MAST3: variants seen among roughly 807,000 people sequenced by gnomAD.
MAST3 encodes microtubule-associated serine/threonine-protein kinase 3.
Under a neutral mutation model 127.0 loss-of-function variants are expected in MAST3, and 43 were observed. That is an observed-to-expected ratio of 0.34 (90% confidence interval 0.27 to 0.44). The LOEUF is 0.44. MAST3 is among the 20% of genes least tolerant of loss of function. MAST3 has a pLI of 1.00. For missense variants in MAST3, 1,390 were observed against 1,919.1 expected, an observed-to-expected ratio of 0.72 and a Z score of 5.15; for synonymous variants, 785 against 809.2, an observed-to-expected ratio of 0.97 and a Z score of 0.51.
chr19:18,125,256 G>A lies in MAST3; in HGVS notation c.1078+482G>A, dbSNP rs561175227. 2.6e-5 allele frequency among the ~76,000 whole-genome samples: 4 copies of A among 152,284 alleles called. No individual in the cohort carries two copies. The East Asian group carries it at 7.7e-4, about 29-fold the overall frequency. On this transcript the variant is annotated intron_variant, in intron 11 of 27. Coordinates refer to ENST00000687212, the MANE Select transcript of MAST3 (RefSeq NM_001393504.1). Reference sequence around the variant, plus strand: ...TGCTGAGACCCTCTGATCTTTTGGGGCCCAGGGGCCTCAGTGTCCTCAAAT... The same window carrying A: ...TGCTGAGACCCTCTGATCTTTTGGGACCCAGGGGCCTCAGTGTCCTCAAAT...
Position 18,149,761 on chromosome 19 carries a change from C to T in MAST3, c.*35C>T, listed in dbSNP as rs760791799. 21 of 1,606,274 alleles carry T rather than the reference C, an allele frequency of 1.3e-5. No individual in the cohort carries two copies. The highest frequency in any genetic ancestry group is 2.2e-5 in the East Asian group (1 of 44,768). Reference sequence around the variant, plus strand: ...AGGTCTCTCCCTGGCATCAAAGTTACGCGTTTTCTTGTGCAATGTTTTTTC... The same window carrying T: ...AGGTCTCTCCCTGGCATCAAAGTTATGCGTTTTCTTGTGCAATGTTTTTTC... On this transcript the variant is annotated 3_prime_UTR_variant, in exon 28 of 28. Transcript: ENST00000687212. The surrounding 1 kb of genome is among the most constrained non-coding windows in gnomAD (Gnocchi z 5.9).
At position 18,130,507 on chromosome 19, in the gene MAST3, G is replaced by A. The variant is rs1249637830; in HGVS notation, c.1237G>A (p.Val413Met). 6.2e-7 allele frequency: 1 copy of A among 1,602,932 alleles called. No homozygotes were observed. The highest frequency in any genetic ancestry group is 8.5e-7 in the Non-Finnish European group (1 of 1,174,564). Residue 413 changes from valine (V) to methionine (M), a missense_variant, in exon 14 of 28, where the codon GTG (valine) becomes ATG (methionine). Physicochemically the swap from Val to Met is conservative, Grantham distance 21. Around this residue, in one of 5 missense-constraint regions of MAST3, gnomAD observed 277 missense variants for 384.8 expected, o/e 0.72. Transcript: ENST00000687212. ...CTCTGTCCCCAGGGCCGTCTACCTG[G>A]TGCGGCACCGTGACACACGGCAGCG... ...SNGAYGAVYL[V>M]RHRDTRQRFA...
At chr19:18,132,467 G>A (rs1024037859) in intron 15 of MAST3, among the ~76,000 whole-genome samples, 3 of 152,170 alleles carry the variant, frequency 2.0e-5, no homozygotes, top group African/African-American at 4.8e-5. Context: ...TGCAATTTGC[G>A]AGACCTTACA....
At chr19:18,100,744 C>G (rs1281024147) in intron 1 of MAST3, among the ~76,000 whole-genome samples, 2 of 152,184 alleles carry the variant, frequency 1.3e-5, no homozygotes, top group African/African-American at 2.4e-5. Flanking sequence ...TTCATCAGCC[C>G]CAGTTTGGGG....
rs2043391860 is a variant in MAST3, at chr19:18,149,704, T to G, written c.4022T>G (p.Leu1341Arg). The G allele has an allele frequency of 3.7e-6, 6 of 1,612,814 alleles. No homozygotes were observed. In the East Asian group the frequency reaches 1.3e-4, roughly 36 times the overall value. Residue 1341 changes from leucine (L) to arginine (R), a missense_variant, in exon 28 of 28, where the codon CTC (leucine) becomes CGC (arginine). Leu to Arg is a moderately radical substitution (Grantham distance 102). Coordinates refer to ENST00000687212, the MANE Select transcript of MAST3 (RefSeq NM_001393504.1). This position sits in a 1 kb window ranked among gnomAD's most constrained non-coding sequence, Gnocchi z 5.9. ...VEGEEAVPVA[L>R]GPTGRD is the part of the protein sequence containing the mutation. ...GGCGAGGAAGCCGTGCCAGTAGCTC[T>G]CGGGCCCACCGGAAGAGACTGATCC...
chr19:18,116,190 T>C (rs1053940389), intron 3 of MAST3, among the ~76,000 whole-genome samples: 2 of 138,984 alleles, frequency 1.4e-5, no homozygotes, highest in Non-Finnish European at 3.0e-5. Flanking sequence ...ACCTCCCGGG[T>C]ACAAGTGATT....
chr19:18,105,416 C>T (rs2037991143), intron 1 of MAST3, among the ~76,000 whole-genome samples: 1 of 151,266 alleles, frequency 6.6e-6, no homozygotes, highest in Non-Finnish European at 1.5e-5. Flanking sequence ...GGCATGGTGG[C>T]TTATGCCTGT....
chr19:18,137,423 G>A (rs2041996722), intron 19 of MAST3, 62 bp downstream of exon 19: 1 of 1,559,508 alleles, frequency 6.4e-7, no homozygotes, highest in Non-Finnish European at 8.7e-7. Context: ...AGTCCCTGGG[G>A]GCAGAGGGCT....
At chr19:18,135,623 C>A in intron 17 of MAST3, 117 bp from the exon 18 acceptor site, 1 of 751,984 alleles carries the variant, frequency 1.3e-6, no homozygotes, top group Non-Finnish European at 2.2e-6. Context: ...GTTGCAGGGG[C>A]AGAGGAGGCC....
In MAST3 at chr19:18,144,698, T is replaced by C. The variant is rs1182720271; in HGVS notation, c.2812+5T>C. On this transcript the variant is annotated splice_donor_5th_base_variant and intron_variant, in intron 23 of 27. Transcript: ENST00000687212. This position sits in a 1 kb window ranked among gnomAD's most constrained non-coding sequence, Gnocchi z 4.0. ...TGTCCCTCATCATCACGGCAGGTAA[T>C]GCCCAAGGCCCCTCTCACCTTTGTC... 3 of 1,605,420 alleles carry C rather than the reference T, an allele frequency of 1.9e-6. No individual in the cohort carries two copies. The highest frequency in any genetic ancestry group is 2.2e-5 in the South Asian group (2 of 91,094).
At position 18,134,964 on chromosome 19, in the gene MAST3, T is replaced by C; in HGVS notation, c.1852T>C (p.Phe618Leu). The C allele has an allele frequency of 6.2e-7, 1 of 1,611,932 alleles. No homozygotes were observed. Among genetic ancestry groups the C allele is most frequent in the Non-Finnish European group, 8.5e-7 (1 of 1,178,410 alleles). Residue 618 changes from phenylalanine (F) to leucine (L), a missense_variant, in exon 17 of 28, where the codon TTC becomes CTC. Physicochemically the swap from Phe to Leu is conservative, Grantham distance 22 (BLOSUM62 0). This residue lies in a region of MAST3 where 191 missense variants were observed against 409.0 expected (regional missense o/e 0.47). Coordinates refer to ENST00000687212, the MANE Select transcript of MAST3 (RefSeq NM_001393504.1). Reference sequence around the variant, plus strand: ...CTTTGGAGATACCCCCGAGGAACTCTTCGGTCAGGTGGTCAGCGGTGCGTT... The same window carrying C: ...CTTTGGAGATACCCCCGAGGAACTCCTCGGTCAGGTGGTCAGCGGTGCGTT... Reference protein sequence around the residue: ...PFFGDTPEELFGQVVSDEIMW... With the variant: ...PFFGDTPEELLGQVVSDEIMW...
At chr19:18,106,752 G>A (rs983605116) in intron 1 of MAST3, among the ~76,000 whole-genome samples, 2 of 151,036 alleles carry the variant, frequency 1.3e-5, no homozygotes, top group African/African-American at 4.9e-5. Flanking sequence ...TGTATTTTTA[G>A]TAGAGATGGG....
rs189162848 is a variant in MAST3, at chr19:18,131,586, C to G, written c.1433-323C>G. Among the ~76,000 whole-genome samples the G allele has an allele frequency of 1.1e-3, 147 of 137,876 alleles. 15 individuals are homozygous for G. The highest frequency in any genetic ancestry group is 3.9e-3 in the African/African-American group (147 of 37,618). The allele number at this position is 137,876 out of a possible 152,430, so 90.5% of individuals were successfully genotyped here. On this transcript the variant is annotated intron_variant, in intron 14 of 27. Transcript: ENST00000687212. ...TGGTGGTGTGCGCCTGTAATCCCAG[C>G]TACTCTGGAGGCTGGGGCAGGAGAC... is the stretch of plus-strand genomic sequence containing the variant.
chr19:18,126,813 C>A (rs1009262237), intron 11 of MAST3, among the ~76,000 whole-genome samples: 4 of 151,802 alleles, frequency 2.6e-5, no homozygotes, highest in African/African-American at 9.7e-5. Flanking sequence ...CAGAGTCTCG[C>A]TCTCTCGCCC....
At chr19:18,124,809 G>A in intron 11 of MAST3, 35 bp downstream of exon 11, 2 of 1,558,230 alleles carry the variant, frequency 1.3e-6, no homozygotes, top group Non-Finnish European at 1.7e-6. Context: ...CCAAGGCTGG[G>A]AAAGGCCGGA....
In MAST3 at chr19:18,112,834, G is replaced by T. The variant is rs375534297; in HGVS notation, c.161+2093G>T. 3.9e-5 allele frequency among the ~76,000 whole-genome samples: 6 copies of T among 152,276 alleles called. No individual in the cohort carries two copies. In the South Asian group the frequency reaches 8.3e-4, roughly 21 times the overall value. On this transcript the variant is annotated intron_variant, in intron 3 of 27. Coordinates refer to ENST00000687212, the MANE Select transcript of MAST3 (RefSeq NM_001393504.1). This position sits in a 1 kb window ranked among gnomAD's most constrained non-coding sequence, Gnocchi z 4.1. Reference sequence around the variant, plus strand: ...AGAAAGTTCTGCTGGGGCCAGGAATGGAGGTGGCCAGAGAGAAGGAGGTGG... The same window carrying T: ...AGAAAGTTCTGCTGGGGCCAGGAATTGAGGTGGCCAGAGAGAAGGAGGTGG...
chr19:18,112,731 A>G lies in MAST3; in HGVS notation c.161+1990A>G, dbSNP rs1599688332. ...GGTGATCCACCCGCCTTGGCTTCCC[A>G]AAGTGCTAGGATTATAGGCGTGAGC... On this transcript the variant is annotated intron_variant, in intron 3 of 27. Transcript: ENST00000687212. This position sits in a 1 kb window ranked among gnomAD's most constrained non-coding sequence, Gnocchi z 4.1. Among the ~76,000 whole-genome samples, 1 of 152,056 alleles carries G rather than the reference A, an allele frequency of 6.6e-6. No homozygotes were observed.
chr19:18,126,771 C>T (rs1159181231), intron 11 of MAST3, among the ~76,000 whole-genome samples: 2 of 151,602 alleles, frequency 1.3e-5, no homozygotes, highest in Non-Finnish European at 2.9e-5. Context: ...CCCATCTCTA[C>T]AAAAAGTAAT....
Position 18,110,201 on chromosome 19 carries a change from G to A in MAST3, c.72-451G>A, listed in dbSNP as rs1055269926. 3 of 985,358 alleles carry A rather than the reference G, an allele frequency of 3.0e-6. No individual in the cohort carries two copies. The African/African-American group carries it at 5.2e-5, about 17-fold the overall frequency. The allele number at this position is 985,358 out of a possible 1,614,324, so 61.0% of individuals were successfully genotyped here. A position where few individuals can be genotyped will look rare whatever the true frequency, so the allele number is the denominator to read the frequency against. On this transcript the variant is annotated intron_variant, in intron 2 of 27. Coordinates refer to ENST00000687212, the MANE Select transcript of MAST3 (RefSeq NM_001393504.1). This position sits in a 1 kb window ranked among gnomAD's most constrained non-coding sequence, Gnocchi z 4.3. ...GCGTCTAGTCTGCCGCACCAGCCAGGCGTCTGTCCCTGCGTCCGTGTGTCC... is the reference window on the plus strand; with the variant it reads ...GCGTCTAGTCTGCCGCACCAGCCAGACGTCTGTCCCTGCGTCCGTGTGTCC...
Sources: allele counts gnomAD v4.1 joint callset (sites outside exome capture counted in the v4.1 genomes callset), GRCh38; gene constraint gnomAD v4.1.1; regional missense constraint gnomAD v4.1.1; non-coding constraint Gnocchi (gnomAD v3.1); transcripts MANE v1.5; gene names NCBI Gene and HGNC (gene_info 2026-07-23, HGNC 2026-07-21).